CYB5B: variants seen among roughly 807,000 people sequenced by gnomAD.
CYB5B encodes the protein cytochrome b5 type B.
In CYB5B, 14 loss-of-function variants were observed where a neutral mutation model predicts 21.3. The observed-to-expected ratio is 0.66, with a 90% confidence interval of 0.43 to 1.03. The LOEUF is 1.03. CYB5B is among the 50% of genes least tolerant of loss of function. The probability of loss-of-function intolerance (pLI) is 0.00; values close to 1 mark genes in which losing one functional copy is unlikely to be tolerated. For missense variants in CYB5B, 166 were observed against 185.1 expected (o/e 0.90, Z 0.60); for synonymous variants, 69 against 68.4 (o/e 1.01, Z -0.04).
Position 69,427,067 on chromosome 16 carries a change from TCG to T in CYB5B, c.174+2211_174+2212del, listed in dbSNP as rs558909647. Among the ~76,000 whole-genome samples the T allele has an allele frequency of 5.5e-4, 83 of 152,136 alleles. No individual in the cohort carries two copies. The Middle Eastern group carries it at 0.014, about 25-fold the overall frequency. On this transcript the variant is annotated intron_variant, in intron 1 of 4. Coordinates refer to ENST00000307892, the MANE Select transcript of CYB5B (RefSeq NM_030579.3). ...CCAGTCTGGCCAACACGGCGAAACC[TCG>T]TCTCTACTAAAAATACAAAAATAAG...
At chr16:69,442,070 G>T (rs1422719647) in intron 1 of CYB5B, among the ~76,000 whole-genome samples, 1 of 152,086 alleles carries the variant, frequency 6.6e-6, no homozygotes, top group Non-Finnish European at 1.5e-5. Context: ...TTTTGGTAAT[G>T]AAAATTATTA....
chr16:69,437,844 C>T (rs1371631262), intron 1 of CYB5B, among the ~76,000 whole-genome samples: 1 of 152,158 alleles, frequency 6.6e-6, no homozygotes, highest in Non-Finnish European at 1.5e-5. Flanking sequence ...TCTAGGTACC[C>T]CATATAAATG....
chr16:69,430,938 G>A (rs557598769), intron 1 of CYB5B, among the ~76,000 whole-genome samples: 28 of 152,120 alleles, frequency 1.8e-4, no homozygotes, highest in Middle Eastern at 3.4e-3. Context: ...CTCCCAAAGT[G>A]CTGGGATTAC....
At chr16:69,447,831 A>G (rs1227997499) in intron 2 of CYB5B, among the ~76,000 whole-genome samples, 1 of 152,152 alleles carries the variant, frequency 6.6e-6, no homozygotes, top group Non-Finnish European at 1.5e-5. Context: ...TTATTTTTGT[A>G]ATGCAGTTAA....
At chr16:69,458,999 T>C in intron 3 of CYB5B, 94 bp from the exon 4 acceptor site, 2 of 1,181,592 alleles carry the variant, frequency 1.7e-6, no homozygotes, top group South Asian at 1.5e-5. Context: ...AGTTACAGGG[T>C]TGACATAGCT....
chr16:69,436,962 A>G (rs1022318277), intron 1 of CYB5B, among the ~76,000 whole-genome samples: 2 of 152,154 alleles, frequency 1.3e-5, no homozygotes, highest in African/African-American at 4.8e-5. Flanking sequence ...TGAAACATAG[A>G]TTTTCTGTCT....
chr16:69,437,786 C>T (rs2014776522), intron 1 of CYB5B, among the ~76,000 whole-genome samples: 1 of 152,184 alleles, frequency 6.6e-6, no homozygotes, highest in South Asian at 2.1e-4. Flanking sequence ...TCTCCCCAAA[C>T]TCAAGCTAAC....
chr16:69,439,515 T>G (rs2014798063), intron 1 of CYB5B, among the ~76,000 whole-genome samples: 1 of 151,608 alleles, frequency 6.6e-6, no homozygotes, highest in South Asian at 2.1e-4. Context: ...GGCCTGTTTC[T>G]TTTTTTAATT....
intron 1 of CYB5B, among the ~76,000 whole-genome samples, chr16:69,435,595 G>A (rs2014751951): frequency 6.6e-6 from 1 of 152,126 alleles, no homozygotes; most frequent in Non-Finnish European, 1.5e-5. Flanking sequence ...AAAGTTGATT[G>A]TTGCCTGTCC....
intron 1 of CYB5B, among the ~76,000 whole-genome samples, chr16:69,436,813 A>AT (rs1350894262): frequency 6.6e-6 from 1 of 151,828 alleles, no homozygotes; most frequent in African/African-American, 2.4e-5. Context: ...AATTTGTGTA[A>AT]TTTTTTTTCC....
chr16:69,461,802 G>A (rs2015038165), intron 4 of CYB5B, among the ~76,000 whole-genome samples: 2 of 152,110 alleles, frequency 1.3e-5, no homozygotes, highest in Non-Finnish European at 2.9e-5. Flanking sequence ...TAAGAGGATG[G>A]GTTTGGAATC....
At chr16:69,431,617 C>T (rs1037743620) in intron 1 of CYB5B, among the ~76,000 whole-genome samples, 3 of 151,922 alleles carry the variant, frequency 2.0e-5, no homozygotes, top group Non-Finnish European at 2.9e-5. Flanking sequence ...ACAAAAAATA[C>T]GAAAATTAGA....
intron 1 of CYB5B, among the ~76,000 whole-genome samples, chr16:69,427,597 G>A (rs1261003881): frequency 2.0e-5 from 3 of 152,046 alleles, no homozygotes; most frequent in South Asian, 4.1e-4. Flanking sequence ...GCTCACTGCA[G>A]CCTCAGTCTC....
At chr16:69,446,932 A>G (rs2014884283) in intron 1 of CYB5B, among the ~76,000 whole-genome samples, 1 of 152,208 alleles carries the variant, frequency 6.6e-6, no homozygotes, top group African/African-American at 2.4e-5. Context: ...TGGTTGTCCC[A>G]GGTGTCCTCA....
At chr16:69,427,956 G>A (rs112710883) in intron 1 of CYB5B, among the ~76,000 whole-genome samples, 500 of 147,024 alleles carry the variant, frequency 3.4e-3, no homozygotes, top group Non-Finnish European at 5.1e-3. Context: ...AGATGGTGCC[G>A]TTGCACTCCA....
intron 1 of CYB5B, among the ~76,000 whole-genome samples, chr16:69,442,605 C>T (rs1462465956): frequency 6.6e-6 from 1 of 151,606 alleles, no homozygotes; most frequent in Non-Finnish European, 1.5e-5. Flanking sequence ...CCTCGAATTC[C>T]TTGGCTTCTG....
intron 1 of CYB5B, among the ~76,000 whole-genome samples, chr16:69,434,971 A>AT (rs2014745480): frequency 6.6e-6 from 1 of 151,400 alleles, no homozygotes; most frequent in Non-Finnish European, 1.5e-5. Context: ...CCATGGGCTT[A>AT]TTGGCCATTT....
At chr16:69,450,243 CA>C (rs1391064590) in intron 3 of CYB5B, 1 of 146,650 alleles carries the variant, frequency 6.8e-6, no homozygotes, top group Non-Finnish European at 1.5e-5. Context: ...AAAAAAAACC[CA>C]AAAAACTATT....
intron 1 of CYB5B, among the ~76,000 whole-genome samples, chr16:69,428,749 G>A (rs1039980320): frequency 3.3e-5 from 5 of 152,098 alleles, no homozygotes; most frequent in African/African-American, 4.8e-5. Context: ...CGATGGTGCC[G>A]AGATAACTTT....
Sources: gnomAD v4.1 joint callset for allele counts (sites outside exome capture counted in the v4.1 genomes callset) on GRCh38, gnomAD v4.1.1 for gene constraint, MANE v1.5 for transcripts, NCBI Gene and HGNC (gene_info 2026-07-23, HGNC 2026-07-21) for gene names.